Variants in FMNL3 observed in about 807,000 individuals in gnomAD.
FMNL3 encodes the protein formin like 3, also known as formin-like protein 3.
Under a neutral mutation model 119.6 loss-of-function variants are expected in FMNL3, and 57 were observed. The observed-to-expected ratio is 0.48, with a 90% CI of 0.39 to 0.59. The LOEUF (loss-of-function observed/expected upper bound fraction) is 0.59, where lower values mean the gene tolerates loss of function less well. FMNL3 is among the 20% of genes least tolerant of loss of function. FMNL3 has a pLI of 0.00. For missense variants in FMNL3, 1,053 were observed against 1,323.5 expected (o/e 0.80, Z 3.17); for synonymous variants, 491 against 507.3 (o/e 0.97, Z 0.43).
At chr12:49,646,565 G>T in intron 25 of FMNL3, 1 of 1,193,556 alleles carries the variant, frequency 8.4e-7, no homozygotes, top group Non-Finnish European at 1.1e-6. Context: ...ATGCAGGAAA[G>T]AAGGTGCCTG....
intron 1 of FMNL3, chr12:49,688,608 T>C (rs1474584431): frequency 4.6e-6 from 2 of 438,392 alleles, no homozygotes; most frequent in Non-Finnish European, 9.2e-6. Flanking sequence ...GCTATGATGA[T>C]GGCTTGTGGT....
At chr12:49,663,086 A>C (rs7960185) in intron 4 of FMNL3, among the ~76,000 whole-genome samples, 1 of 152,292 alleles carries the variant, frequency 6.6e-6, no homozygotes, top group Non-Finnish European at 1.5e-5. Context: ...AGCTGAGATT[A>C]GGCAGCAGGC....
At chr12:49,678,249 C>T (rs1036238617) in intron 1 of FMNL3, among the ~76,000 whole-genome samples, 3 of 151,438 alleles carry the variant, frequency 2.0e-5, no homozygotes, top group Admixed American at 6.6e-5. Context: ...CCTCTGCCTC[C>T]CGGGTTCAAG....
chr12:49,697,565 T>C (rs987191746), intron 1 of FMNL3, among the ~76,000 whole-genome samples: 1 of 152,160 alleles, frequency 6.6e-6, no homozygotes, highest in African/African-American at 2.4e-5. Flanking sequence ...GCACTCCCAG[T>C]CAGTATGATA....
At chr12:49,687,962 A>G (rs1017554809) in intron 1 of FMNL3, among the ~76,000 whole-genome samples, 1 of 152,238 alleles carries the variant, frequency 6.6e-6, no homozygotes, top group Non-Finnish European at 1.5e-5. Context: ...AACAGCACCC[A>G]GGGAGGAGAC....
At chr12:49,697,193 A>T (rs1944773937) in intron 1 of FMNL3, among the ~76,000 whole-genome samples, 1 of 152,210 alleles carries the variant, frequency 6.6e-6, no homozygotes, top group South Asian at 2.1e-4. Context: ...TGTAGTATGT[A>T]CATCCCAAAC....
At chr12:49,669,378 T>C (rs1279869140) in intron 1 of FMNL3, among the ~76,000 whole-genome samples, 1 of 152,244 alleles carries the variant, frequency 6.6e-6, no homozygotes, top group Non-Finnish European at 1.5e-5. Flanking sequence ...GGTGACTGAA[T>C]AAGGTACGAG....
chr12:49,651,543 TAA>T (rs756742211), intron 14 of FMNL3, 93 bp from the exon 15 acceptor site: 3,214 of 782,760 alleles, frequency 4.1e-3, no homozygotes, highest in South Asian at 6.1e-3. Context: ...CTCTGAGAGT[TAA>T]AAAAAAAAAA....
intron 6 of FMNL3, among the ~76,000 whole-genome samples, chr12:49,658,017 G>C: frequency 6.6e-6 from 1 of 152,188 alleles, no homozygotes; most frequent in East Asian, 1.9e-4. Flanking sequence ...GGTTGGGTGG[G>C]AGCTGGTCTC....
intron 1 of FMNL3, among the ~76,000 whole-genome samples, chr12:49,686,080 T>A (rs1006614340): frequency 6.6e-6 from 1 of 151,554 alleles, no homozygotes; most frequent in African/African-American, 2.4e-5. Flanking sequence ...AATAAATAAA[T>A]AAAAATTCTA....
In FMNL3 at chr12:49,648,302, T is replaced by A. The variant is rs1440790528; in HGVS notation, c.2567A>T (p.Glu856Val). Residue 856 changes from glutamate (E) to valine (V), a missense_variant, in exon 22 of 26, where the codon GAG (glutamate) becomes GTG (valine). Coordinates refer to ENST00000335154, the MANE Select transcript of FMNL3 (RefSeq NM_175736.5). ...LDVKELGRGM[E>V]LIRRECSIHD... ...GATGCTGCACTCACGCCGAATCAGC[T>A]CCATGCCCCGGCCCAGCTCCTTCAC... is the stretch of plus-strand genomic sequence containing the variant. The A allele has an allele frequency of 3.1e-6, 5 of 1,613,412 alleles. No individual in the cohort carries two copies. The East Asian group carries it at 8.9e-5, about 29-fold the overall frequency.
chr12:49,643,060 T>C lies in FMNL3; in HGVS notation c.*2755A>G. The C allele has an allele frequency of 1.9e-6, 3 of 1,605,670 alleles. No individual in the cohort carries two copies. On this transcript the variant is annotated 3_prime_UTR_variant, in exon 26 of 26. Transcript: ENST00000335154. ...GGGACATGGGGTGAAGCTGGGTTGT[T>C]TTGGGGAAATAAACACTTTGTTTTC...
rs745764467 is a variant in FMNL3 at position 49,649,171 on chromosome 12, G to C, written c.2386-13C>G. 2 of 1,612,188 alleles carry C rather than the reference G, an allele frequency of 1.2e-6. No homozygotes were observed. Among genetic ancestry groups the C allele is most frequent in the Non-Finnish European group, 1.7e-6 (2 of 1,178,988 alleles). On this transcript the variant is annotated splice_polypyrimidine_tract_variant and intron_variant, in intron 20 of 25. Coordinates refer to ENST00000335154, the MANE Select transcript of FMNL3 (RefSeq NM_175736.5). This position sits in a 1 kb window ranked among gnomAD's most constrained non-coding sequence, Gnocchi z 5.6. ...TGGTATCCAGCAGCTAGGAGAGGGG[G>C]TGAGGGCGGTGCACAAGAGCTAAGC...
intron 1 of FMNL3, among the ~76,000 whole-genome samples, chr12:49,695,429 A>C (rs1387368940): frequency 6.6e-6 from 1 of 152,222 alleles, no homozygotes; most frequent in East Asian, 1.9e-4. Flanking sequence ...AGTTTCCTTA[A>C]GGCCTAAGTT....
At chr12:49,651,543 T>TAAAA in intron 14 of FMNL3, 93 bp from the exon 15 acceptor site, 5 of 798,500 alleles carry the variant, frequency 6.3e-6, no homozygotes, top group Non-Finnish European at 8.5e-6. Flanking sequence ...CTCTGAGAGT[T>TAAAA]AAAAAAAAAA....
Position 49,658,456 on chromosome 12 carries a change from G to A in FMNL3, c.591C>T (p.Arg197=), listed in dbSNP as rs750744689. The A allele has an allele frequency of 6.2e-6, 10 of 1,607,790 alleles. No homozygotes were observed. Among genetic ancestry groups the A allele is most frequent in the Non-Finnish European group, 8.5e-6 (10 of 1,176,316 alleles). ...PFTNSLARSA[R]QSVLRYSTLP... is the part of the protein sequence containing the mutation. Reference sequence around the variant, plus strand: ...AGCACACATACCGGAGCACAGACTGGCGCGCAGAGCGAGCGAGGCTGTTGG... The same window carrying A: ...AGCACACATACCGGAGCACAGACTGACGCGCAGAGCGAGCGAGGCTGTTGG... The change falls in exon 6 of 26, where the codon CGC becomes CGT. Residue 197 remains arginine, a synonymous_variant. Transcript: ENST00000335154.
chr12:49,683,826 G>A (rs560503137), intron 1 of FMNL3, among the ~76,000 whole-genome samples: 5 of 152,106 alleles, frequency 3.3e-5, no homozygotes, highest in Non-Finnish European at 7.3e-5. Context: ...ACACTTCAAC[G>A]GCACTGAGCA....
intron 1 of FMNL3, among the ~76,000 whole-genome samples, chr12:49,674,305 C>A (rs546087823): frequency 7.2e-5 from 11 of 152,306 alleles, no homozygotes; most frequent in African/African-American, 2.6e-4. Context: ...TAACACTTGG[C>A]CAGAAGGACA....
intron 6 of FMNL3, among the ~76,000 whole-genome samples, chr12:49,657,847 G>T (rs1281764302): frequency 6.6e-5 from 10 of 152,198 alleles, no homozygotes; most frequent in Admixed American, 3.9e-4. Context: ...GGACCCAAAG[G>T]AAAGCCTCCC....
Sources: allele counts gnomAD v4.1 joint callset (sites outside exome capture counted in the v4.1 genomes callset), GRCh38; gene constraint gnomAD v4.1.1; non-coding constraint Gnocchi (gnomAD v3.1); transcripts MANE v1.5; gene names NCBI Gene and HGNC (gene_info 2026-07-23, HGNC 2026-07-21).